HECW1: variants seen among roughly 807,000 people sequenced by gnomAD.
The protein encoded by HECW1 is HECT, C2 and WW domain containing E3 ubiquitin protein ligase 1, also known as E3 ubiquitin-protein ligase HECW1.
In HECW1, 61 loss-of-function variants were observed where a neutral mutation model predicts 182.3. The ratio of observed to expected loss-of-function variants is 0.33; its 90% CI spans 0.27 to 0.41. The LOEUF (loss-of-function observed/expected upper bound fraction) is 0.41. HECW1 is among the 10% of genes least tolerant of loss of function. The pLI is 1.00. For missense variants in HECW1, 1,739 were observed against 2,108.9 expected (o/e 0.82, Z 3.44); for synonymous variants, 859 against 832.6 (o/e 1.03, Z -0.55).
In HECW1 at chr7:43,359,122, G is replaced by A. The variant is rs141930424; in HGVS notation, c.461-1764G>A. ...ATTACAGGCGTGAGCCACCGTGCCC[G>A]GCCCATATCTTTTAACCTAAAGAAG... On this transcript the variant is annotated intron_variant, in intron 5 of 29. Coordinates refer to ENST00000395891, the MANE Select transcript of HECW1 (RefSeq NM_015052.5). 9.5e-3 allele frequency among the ~76,000 whole-genome samples: 1,438 copies of A among 152,106 alleles called. 6 individuals carry two copies. Among genetic ancestry groups the A allele is most frequent in the Non-Finnish European group, 0.015 (1,024 of 67,988 alleles).
At chr7:43,541,828 C>A in intron 25 of HECW1, 41 bp from the exon 26 acceptor site, 1 of 1,409,628 alleles carries the variant, frequency 7.1e-7, no homozygotes. Context: ...TCTGGGCAGC[C>A]ATTTGTTTGG....
At chr7:43,299,478 A>G (rs1292129790) in intron 3 of HECW1, among the ~76,000 whole-genome samples, 2 of 152,196 alleles carry the variant, frequency 1.3e-5, no homozygotes, top group East Asian at 1.9e-4. Flanking sequence ...AGCAGACTAT[A>G]GCTTTTGTCC....
At chr7:43,157,351 T>C (rs948305209) in intron 2 of HECW1, among the ~76,000 whole-genome samples, 1 of 152,232 alleles carries the variant, frequency 6.6e-6, no homozygotes, top group Non-Finnish European at 1.5e-5. Flanking sequence ...GGCTGCATTA[T>C]TCAAGACCAA....
chr7:43,417,759 T>G (rs1031704193), intron 8 of HECW1, among the ~76,000 whole-genome samples: 1 of 152,204 alleles, frequency 6.6e-6, no homozygotes, highest in Non-Finnish European at 1.5e-5. Context: ...ATAATAAATC[T>G]ATAATGATTT....
intron 2 of HECW1, among the ~76,000 whole-genome samples, chr7:43,179,021 C>T (rs907731704): frequency 6.6e-6 from 1 of 152,214 alleles, no homozygotes; most frequent in African/African-American, 2.4e-5. Context: ...AGAATATCAA[C>T]TACTTTCTTA....
At chr7:43,122,353 G>A (rs926701975) in intron 2 of HECW1, among the ~76,000 whole-genome samples, 2 of 152,156 alleles carry the variant, frequency 1.3e-5, no homozygotes, top group Admixed American at 1.3e-4. Context: ...GCTCACTAGT[G>A]TTACTTTCTT....
intron 8 of HECW1, among the ~76,000 whole-genome samples, chr7:43,418,688 A>G (rs2076089751): frequency 6.6e-6 from 1 of 152,018 alleles, no homozygotes; most frequent in Non-Finnish European, 1.5e-5. Flanking sequence ...TATTTTGCTG[A>G]TGATATTTCT....
intron 2 of HECW1, among the ~76,000 whole-genome samples, chr7:43,116,001 G>A (rs1785014885): frequency 6.6e-6 from 1 of 152,156 alleles, no homozygotes; most frequent in Non-Finnish European, 1.5e-5. Flanking sequence ...TCTCAGAAAT[G>A]TTTATTGAGT....
At chr7:43,264,842 T>TAA (rs36094358) in intron 3 of HECW1, among the ~76,000 whole-genome samples, 2,632 of 129,088 alleles carry the variant, frequency 0.02, 37 homozygotes, top group East Asian at 0.03. Flanking sequence ...AGACTCGGTT[T>TAA]AAAAAAAAAA....
chr7:43,493,316 C>T (rs2079002555), intron 19 of HECW1, 136 bp downstream of exon 19: 2 of 578,814 alleles, frequency 3.5e-6, no homozygotes, highest in African/African-American at 3.8e-5. Context: ...CTTGAATCCT[C>T]AAGATGAAGG....
intron 2 of HECW1, among the ~76,000 whole-genome samples, chr7:43,175,673 T>C (rs1055705202): frequency 6.6e-6 from 1 of 152,224 alleles, no homozygotes; most frequent in Non-Finnish European, 1.5e-5. Flanking sequence ...CTAGACCTTG[T>C]CCGTGGATGT....
At chr7:43,419,626 A>G (rs1397111237) in intron 8 of HECW1, among the ~76,000 whole-genome samples, 1 of 152,224 alleles carries the variant, frequency 6.6e-6, no homozygotes, top group East Asian at 1.9e-4. Context: ...ATCTCCATAG[A>G]TCCATAAAAA....
At chr7:43,200,798 T>C (rs1195211385) in intron 2 of HECW1, among the ~76,000 whole-genome samples, 1 of 152,180 alleles carries the variant, frequency 6.6e-6, no homozygotes, top group Non-Finnish European at 1.5e-5. Flanking sequence ...AGTCTTATTA[T>C]CAAACATAGC....
chr7:43,280,646 C>A (rs1409261709), intron 3 of HECW1, among the ~76,000 whole-genome samples: 2 of 152,082 alleles, frequency 1.3e-5, no homozygotes, highest in African/African-American at 2.4e-5. Flanking sequence ...CGTGATAATC[C>A]CAGTACAATG....
At chr7:43,325,944 G>A (rs1478049072) in intron 5 of HECW1, among the ~76,000 whole-genome samples, 1 of 152,176 alleles carries the variant, frequency 6.6e-6, no homozygotes, top group East Asian at 1.9e-4. Flanking sequence ...CATGCCATCT[G>A]TCTCAGTCCG....
At chr7:43,128,710 G>C (rs1371385901) in intron 2 of HECW1, among the ~76,000 whole-genome samples, 1 of 152,144 alleles carries the variant, frequency 6.6e-6, no homozygotes, top group Non-Finnish European at 1.5e-5. Flanking sequence ...TCTTCTGCTG[G>C]ATCTGGGTAG....
intron 2 of HECW1, among the ~76,000 whole-genome samples, chr7:43,156,589 G>A (rs1336724493): frequency 1.3e-5 from 2 of 151,012 alleles, no homozygotes; most frequent in Non-Finnish European, 2.9e-5. Flanking sequence ...GAGATAGTAG[G>A]CTGTCATTAG....
At chr7:43,165,061 A>G (rs60696858) in intron 2 of HECW1, among the ~76,000 whole-genome samples, 15,757 of 152,200 alleles carry the variant, frequency 0.1, 1,128 homozygotes, top group African/African-American at 0.21. Context: ...GAGAAATGCC[A>G]TAAGTTAGTC....
chr7:43,518,386 C>T (rs1000208884), intron 24 of HECW1, among the ~76,000 whole-genome samples: 16 of 151,902 alleles, frequency 1.1e-4, no homozygotes, highest in African/African-American at 3.6e-4. Flanking sequence ...ATCCCAGCTA[C>T]TCAGGAGGCT....
Sources: allele counts gnomAD v4.1 joint callset (sites outside exome capture counted in the v4.1 genomes callset), GRCh38; gene constraint gnomAD v4.1.1; transcripts MANE v1.5; gene names NCBI Gene and HGNC (gene_info 2026-07-23, HGNC 2026-07-21).